Variants in PPP1R9A observed in about 807,000 individuals in gnomAD.
PPP1R9A encodes neurabin-1.
PPP1R9A carries 59 observed loss-of-function variants against 141.9 expected under a neutral mutation model. The ratio of observed to expected loss-of-function variants is 0.42; its 90% CI spans 0.34 to 0.52. The LOEUF is 0.52. Among genes scored for constraint, PPP1R9A ranks in the 20% least tolerant of loss-of-function variants. The pLI is 0.10. For missense variants in PPP1R9A, 1,444 were observed against 1,611.9 expected (o/e 0.90, Z 1.78); for synonymous variants, 500 against 569.7 (o/e 0.88, Z 1.74).
At chr7:95,144,021 A>C (rs548643329) in intron 4 of PPP1R9A, among the ~76,000 whole-genome samples, 1 of 152,204 alleles carries the variant, frequency 6.6e-6, no homozygotes, top group South Asian at 2.1e-4. Context: ...TTTAAGGTCT[A>C]CTCTACTAGT....
intron 12 of PPP1R9A, among the ~76,000 whole-genome samples, chr7:95,257,764 G>A (rs1247487156): frequency 1.3e-5 from 2 of 152,078 alleles, no homozygotes; most frequent in Non-Finnish European, 1.5e-5. Context: ...AGAACATGCG[G>A]TGTTTGGTTT....
intron 8 of PPP1R9A, among the ~76,000 whole-genome samples, chr7:95,237,804 CTTTCTTTTGCTTTATATTTG>C (rs1220105590): frequency 6.6e-6 from 1 of 152,010 alleles, no homozygotes; most frequent in Non-Finnish European, 1.5e-5. Context: ...TTAACTCTGG[CTTTCTTTTGCTTTATATTTG>C]TTTCACAGCA....
chr7:95,206,004 C>A (rs1482687143), intron 7 of PPP1R9A, among the ~76,000 whole-genome samples: 1 of 152,112 alleles, frequency 6.6e-6, no homozygotes, highest in Non-Finnish European at 1.5e-5. Flanking sequence ...CCTTGAAAAC[C>A]TTTGGGAATA....
intron 2 of PPP1R9A, among the ~76,000 whole-genome samples, chr7:95,110,330 T>G (rs961409071): frequency 1.3e-5 from 2 of 152,176 alleles, no homozygotes; most frequent in African/African-American, 4.8e-5. Flanking sequence ...TTTTTATAAA[T>G]ATTATTTTAA....
intron 16 of PPP1R9A, among the ~76,000 whole-genome samples, chr7:95,275,517 G>C (rs758037105): frequency 6.6e-6 from 1 of 152,236 alleles, no homozygotes; most frequent in South Asian, 2.1e-4. Flanking sequence ...GCAGCAGGCA[G>C]TTAATGTCAA....
intron 2 of PPP1R9A, among the ~76,000 whole-genome samples, chr7:95,040,734 C>T (rs1809116054): frequency 6.6e-6 from 1 of 152,164 alleles, no homozygotes; most frequent in Non-Finnish European, 1.5e-5. Context: ...ACTTTTCATT[C>T]TCTGAAGAAA....
intron 7 of PPP1R9A, among the ~76,000 whole-genome samples, chr7:95,213,320 C>CTTT (rs548473436): frequency 3.1e-5 from 4 of 129,134 alleles, no homozygotes; most frequent in Admixed American, 8.1e-5. Context: ...CTTTCTCTTT[C>CTTT]TTTTTTTTTT....
At chr7:95,019,195 G>C (rs1418292662) in intron 2 of PPP1R9A, among the ~76,000 whole-genome samples, 5 of 152,172 alleles carry the variant, frequency 3.3e-5, no homozygotes, top group Non-Finnish European at 7.3e-5. Flanking sequence ...AGGAGTTCGA[G>C]ACCAGCCTGG....
At chr7:95,257,069 T>C (rs1414338619) in intron 12 of PPP1R9A, among the ~76,000 whole-genome samples, 1 of 152,152 alleles carries the variant, frequency 6.6e-6, no homozygotes, top group East Asian at 1.9e-4. Flanking sequence ...AAGTTGTTTC[T>C]AAAATATATA....
At chr7:95,093,561 C>T (rs1817632774) in intron 2 of PPP1R9A, among the ~76,000 whole-genome samples, 1 of 152,096 alleles carries the variant, frequency 6.6e-6, no homozygotes, top group Admixed American at 6.5e-5. Context: ...AAACTAGATT[C>T]TCTACTTAGT....
At chr7:95,278,489 A>G (rs527953543) in intron 16 of PPP1R9A, among the ~76,000 whole-genome samples, 49 of 152,226 alleles carry the variant, frequency 3.2e-4, no homozygotes, top group Admixed American at 9.2e-4. Flanking sequence ...TGGTTCATTT[A>G]TATTTCTTTT....
At chr7:95,240,699 C>A (rs1169528607) in intron 8 of PPP1R9A, among the ~76,000 whole-genome samples, 10 of 152,004 alleles carry the variant, frequency 6.6e-5, no homozygotes, top group Non-Finnish European at 1.5e-5. Context: ...TGACTTAATT[C>A]TCTTATTAAA....
intron 4 of PPP1R9A, chr7:95,155,451 A>G (rs1449750942): frequency 6.6e-6 from 1 of 152,164 alleles, no homozygotes; most frequent in Non-Finnish European, 1.5e-5. Context: ...TTGGCCTCCC[A>G]AAGTGCTCGA....
At chr7:95,240,576 G>T (rs945324565) in intron 8 of PPP1R9A, among the ~76,000 whole-genome samples, 1 of 150,234 alleles carries the variant, frequency 6.7e-6, no homozygotes, top group African/African-American at 2.4e-5. Flanking sequence ...TTTTTTATTG[G>T]GTAAAATATA....
chr7:95,108,358 G>C (rs1441512268), intron 2 of PPP1R9A, among the ~76,000 whole-genome samples: 1 of 113,244 alleles, frequency 8.8e-6, no homozygotes, highest in African/African-American at 3.5e-5. Context: ...CTGTCACCCA[G>C]GCTGGAGTGC....
chr7:95,288,528 T>C lies in PPP1R9A; in HGVS notation c.3730-8T>C. The C allele has an allele frequency of 6.2e-7, 1 of 1,613,316 alleles. No individual in the cohort carries two copies. The stretch of plus-strand genomic sequence containing the variant: ...CTTTAACAACACTACGTAACATTCC[T>C]ATCTTAGATCCTTGATGATGGACAG... On this transcript the variant is annotated splice_region_variant and splice_polypyrimidine_tract_variant and intron_variant, in intron 18 of 19. Transcript: ENST00000433360.
intron 5 of PPP1R9A, among the ~76,000 whole-genome samples, chr7:95,190,828 C>G (rs1483070330): frequency 2.0e-5 from 3 of 152,200 alleles, no homozygotes; most frequent in African/African-American, 7.2e-5. Context: ...ACACATTGTT[C>G]TGTCTGTCCA....
intron 2 of PPP1R9A, among the ~76,000 whole-genome samples, chr7:95,074,958 A>G (rs529438942): frequency 1.2e-4 from 18 of 152,176 alleles, no homozygotes; most frequent in African/African-American, 4.1e-4. Context: ...TTGAATATTT[A>G]TTTATATTTT....
chr7:95,080,691 A>G (rs1372472614), intron 2 of PPP1R9A, among the ~76,000 whole-genome samples: 3 of 152,118 alleles, frequency 2.0e-5, no homozygotes. Context: ...TTCAAACTAT[A>G]CTTCTACTCT....
Sources: gnomAD v4.1 joint callset for allele counts (sites outside exome capture counted in the v4.1 genomes callset) on GRCh38, gnomAD v4.1.1 for gene constraint, MANE v1.5 for transcripts, NCBI Gene and HGNC (gene_info 2026-07-23, HGNC 2026-07-21) for gene names.